The following CASKIN1 variants were observed in gnomAD, a reference collection of about 807,000 sequenced individuals.
CASKIN1 encodes CASK interacting protein 1, also known as caskin-1.
A neutral mutation model predicts 117.5 loss-of-function variants in CASKIN1; 42 were observed. The observed-to-expected ratio is 0.36, with a 90% confidence interval of 0.28 to 0.46. The LOEUF (loss-of-function observed/expected upper bound fraction) is 0.46. CASKIN1 is among the 20% of genes least tolerant of loss of function. The pLI is 1.00. For synonymous variants in CASKIN1, 1,148 were observed against 961.7 expected, an observed-to-expected ratio of 1.19 and a Z score of -3.59; for missense variants, 2,083 against 2,077.3, an observed-to-expected ratio of 1.00 and a Z score of -0.05.
intron 6 of CASKIN1, among the ~76,000 whole-genome samples, chr16:2,188,144 A>G (rs925215458): frequency 4.8e-5 from 7 of 144,770 alleles, no homozygotes; most frequent in African/African-American, 1.8e-4. Flanking sequence ...TCAGCCTCCC[A>G]AAATACTGGG....
In CASKIN1 at chr16:2,182,688, G is replaced by A. The variant is rs1422753580; in HGVS notation, c.1630-759C>T. On this transcript the variant is annotated intron_variant, in intron 16 of 19. Coordinates refer to ENST00000343516, the MANE Select transcript of CASKIN1 (RefSeq NM_020764.4). The surrounding 1 kb of genome is among the most constrained non-coding windows in gnomAD (Gnocchi z 4.1). ...CCACCGATCGCCTCTCCCGTTGGGA[G>A]CCCAGAGCTCAGTGTGAGGCCCAGA... 6.6e-6 allele frequency among the ~76,000 whole-genome samples: 1 copy of A among 152,214 alleles called. No individual in the cohort carries two copies. Among genetic ancestry groups the A allele is most frequent in the Non-Finnish European group, 1.5e-5 (1 of 68,034 alleles).
intron 1 of CASKIN1, among the ~76,000 whole-genome samples, chr16:2,191,495 G>C (rs2093201545): frequency 6.6e-6 from 1 of 152,234 alleles, no homozygotes; most frequent in African/African-American, 2.4e-5. Flanking sequence ...GGTGCTAACA[G>C]GGCCTCCCGG....
Position 2,186,803 on chromosome 16 carries a change from C to T in CASKIN1, c.952G>A (p.Gly318Ser). ...TCATGGATGCAGCCCTTCCACCGGC[C>T]ATCCGGATGCTGCTCGAGGACCTGG... is the stretch of plus-strand genomic sequence containing the variant. Reference protein sequence around the residue: ...IITVLEQHPDGRWKGCIHDNR... With the variant: ...IITVLEQHPDSRWKGCIHDNR... The change falls in exon 10 of 20, where the codon GGC becomes AGC. Residue 318 changes from glycine (G) to serine (S), a missense_variant. Physicochemically the swap from Gly to Ser is moderately conservative, Grantham distance 56 (BLOSUM62 0). This residue lies in a region of CASKIN1 where 1,818 missense variants were observed against 1,688.9 expected (regional missense o/e 1.08). Coordinates refer to ENST00000343516, the MANE Select transcript of CASKIN1 (RefSeq NM_020764.4). The T allele has an allele frequency of 6.2e-7, 1 of 1,613,016 alleles. No homozygotes were observed. Among genetic ancestry groups the T allele is most frequent in the Non-Finnish European group, 8.5e-7 (1 of 1,179,950 alleles).
In CASKIN1 at chr16:2,182,120, G is replaced by A. The variant is rs73498165; in HGVS notation, c.1630-191C>T. 0.044 allele frequency among the ~76,000 whole-genome samples: 6,770 copies of A among 152,226 alleles called. 292 individuals are homozygous for A. Among genetic ancestry groups the A allele is most frequent in the Admixed American group, 0.099 (1,520 of 15,288 alleles). ...GCTCAGGCACCGGACACTGCATGCC[G>A]CATATCGCACACATGCGCACACACG... is the stretch of plus-strand genomic sequence containing the variant. On this transcript the variant is annotated intron_variant, in intron 16 of 19. Transcript: ENST00000343516. The surrounding 1 kb of genome is among the most constrained non-coding windows in gnomAD (Gnocchi z 4.1).
At chr16:2,188,495 T>C (rs1465779534) in intron 6 of CASKIN1, among the ~76,000 whole-genome samples, 1 of 151,902 alleles carries the variant, frequency 6.6e-6, no homozygotes, top group Admixed American at 6.6e-5. Context: ...GGTCTACAGG[T>C]GTGTGCCAAC....
chr16:2,196,245 A>C lies in CASKIN1; in HGVS notation c.94+94T>G, dbSNP rs1264486875. ...CCCGCCCCGCCCCCGGGGACCCGAC[A>C]ACGTCCCCTCCCCGCCCGGCGCCGG... On this transcript the variant is annotated intron_variant, in intron 1 of 19. Transcript: ENST00000343516. The surrounding 1 kb of genome is among the most constrained non-coding windows in gnomAD (Gnocchi z 5.7). 1.2e-4 allele frequency: 36 copies of C among 311,408 alleles called. No individual in the cohort carries two copies. The highest frequency in any genetic ancestry group is 2.6e-4 in the East Asian group (3 of 11,606). 19.3% of individuals were successfully genotyped at this position (311,408 alleles called of 1,614,324 possible). A position where few individuals can be genotyped will look rare whatever the true frequency, so the allele number is the denominator to read the frequency against.
At chr16:2,195,467 C>A (rs1481331470) in intron 1 of CASKIN1, among the ~76,000 whole-genome samples, 1 of 152,252 alleles carries the variant, frequency 6.6e-6, no homozygotes, top group East Asian at 1.9e-4. Flanking sequence ...GCTATACGTG[C>A]GCAGCCGCAC....
chr16:2,178,819 C>A lies in CASKIN1; in HGVS notation c.4199+83G>T, dbSNP rs1410447987. The A allele has an allele frequency of 1.4e-5, 18 of 1,325,926 alleles. No individual in the cohort carries two copies. The East Asian group carries it at 5.6e-4, about 41-fold the overall frequency. 82.1% of individuals were successfully genotyped at this position (1,325,926 alleles called of 1,614,324 possible). A position where few individuals can be genotyped will look rare whatever the true frequency, so the allele number is the denominator to read the frequency against. On this transcript the variant is annotated intron_variant, in intron 19 of 19. Coordinates refer to ENST00000343516, the MANE Select transcript of CASKIN1 (RefSeq NM_020764.4). ...CTCTGCCGAGCCCCGCCCATCTCTG[C>A]CGAGCCCCGCCCATCTCTGCCGAGC...
intron 6 of CASKIN1, among the ~76,000 whole-genome samples, chr16:2,188,095 A>G (rs1321298870): frequency 7.2e-6 from 1 of 138,566 alleles, no homozygotes; most frequent in African/African-American, 2.7e-5. Flanking sequence ...ACGTCTTGCT[A>G]TGTTGCCCAG....
rs566228564 is a variant in CASKIN1, at chr16:2,190,194, G to C, written c.147-24C>G. 6.8e-6 allele frequency: 11 copies of C among 1,612,058 alleles called. No individual in the cohort carries two copies. The East Asian group carries it at 1.8e-4, about 26-fold the overall frequency. On this transcript the variant is annotated intron_variant, in intron 2 of 19. Transcript: ENST00000343516. ...AGCTGGCACGTGCAGAGGACACATA[G>C]AGCAGAGGCCCTGGCGCCCCGGCCT...
chr16:2,193,042 A>C (rs949063675), intron 1 of CASKIN1, among the ~76,000 whole-genome samples: 19 of 151,666 alleles, frequency 1.3e-4, no homozygotes, highest in African/African-American at 4.6e-4. Flanking sequence ...TTGGAGATGG[A>C]GTTTCATTCT....
chr16:2,179,983 G>C lies in CASKIN1; in HGVS notation c.3385C>G (p.Arg1129Gly). The C allele has an allele frequency of 1.2e-6, 2 of 1,605,502 alleles. No individual in the cohort carries two copies. The highest frequency in any genetic ancestry group is 1.3e-5 in the African/African-American group (1 of 74,850). Residue 1129 changes from arginine (R) to glycine (G), a missense_variant, in exon 18 of 20, where the codon CGG (arginine) becomes GGG (glycine). Physicochemically the swap from Arg to Gly is moderately radical, Grantham distance 125. Coordinates refer to ENST00000343516, the MANE Select transcript of CASKIN1 (RefSeq NM_020764.4). The surrounding 1 kb of genome is among the most constrained non-coding windows in gnomAD (Gnocchi z 5.8). Reference sequence around the variant, plus strand: ...TTCTCCTGCTGGTTCTGCTTGGCCCGGATGCGCCTCTTGAGTGTGGCGCTG... The same window carrying C: ...TTCTCCTGCTGGTTCTGCTTGGCCCCGATGCGCCTCTTGAGTGTGGCGCTG... ...EASATLKRRI[R>G]AKQNQQENVK...
In CASKIN1 at chr16:2,180,602, C is replaced by T. The variant is rs772944847; in HGVS notation, c.2766G>A (p.Ala922=). The T allele has an allele frequency of 1.2e-5, 19 of 1,572,530 alleles. No individual in the cohort carries two copies. The highest frequency in any genetic ancestry group is 6.9e-5 in the South Asian group (6 of 87,540). ...RRVGRSHSVR[A]PAGADKNVNR... ...TGACGTTCTTGTCGGCACCTGCGGG[C>T]GCCCTCACTGAGTGGCTGCGGCCCA... The change falls in exon 18 of 20, where the codon GCG becomes GCA. Residue 922 remains alanine (A), a synonymous_variant. Coordinates refer to ENST00000343516, the MANE Select transcript of CASKIN1 (RefSeq NM_020764.4).
chr16:2,181,772 G>T lies in CASKIN1; in HGVS notation c.1768+19C>A. 1.2e-6 allele frequency: 2 copies of T among 1,610,522 alleles called. No individual in the cohort carries two copies. Among genetic ancestry groups the T allele is most frequent in the Non-Finnish European group, 1.7e-6 (2 of 1,178,840 alleles). ...GCTGAGGGTTGGGCTGGGGACGAGGGCTGGGGCTGGGGCCTCACCCAGCTT... is the reference window on the plus strand; with the variant it reads ...GCTGAGGGTTGGGCTGGGGACGAGGTCTGGGGCTGGGGCCTCACCCAGCTT... On this transcript the variant is annotated intron_variant, in intron 17 of 19. Coordinates refer to ENST00000343516, the MANE Select transcript of CASKIN1 (RefSeq NM_020764.4).
Position 2,186,688 on chromosome 16 carries a change from A to C in CASKIN1, c.1048+19T>G. The stretch of plus-strand genomic sequence containing the variant: ...GCCCAGGGGCTCCTGCCTGCCCCCC[A>C]GGGTGGGGTGGAACTTGCCTGCTCG... On this transcript the variant is annotated intron_variant, in intron 10 of 19. Transcript: ENST00000343516. 1 of 1,603,622 alleles carries C rather than the reference A, an allele frequency of 6.2e-7. No individual in the cohort carries two copies. The highest frequency in any genetic ancestry group is 2.2e-5 in the East Asian group (1 of 44,754).
In CASKIN1 at chr16:2,178,459, C is replaced by T. The variant is rs2093151670; in HGVS notation, c.*91G>A. ...GCTTCTGCAGGGCCCTGCCCGGCCGCTCGCGCCGCGCCCAGACGCGCCCAT... is the reference window on the plus strand; with the variant it reads ...GCTTCTGCAGGGCCCTGCCCGGCCGTTCGCGCCGCGCCCAGACGCGCCCAT... On this transcript the variant is annotated 3_prime_UTR_variant, in exon 20 of 20. Coordinates refer to ENST00000343516, the MANE Select transcript of CASKIN1 (RefSeq NM_020764.4). The T allele has an allele frequency of 5.6e-6, 6 of 1,065,974 alleles. No individual in the cohort carries two copies. The highest frequency in any genetic ancestry group is 7.6e-6 in the Non-Finnish European group (6 of 784,960). 66.0% of individuals were successfully genotyped at this position (1,065,974 alleles called of 1,614,324 possible). A position where few individuals can be genotyped will look rare whatever the true frequency, so the allele number is the denominator to read the frequency against.
In CASKIN1 at chr16:2,179,665, G is replaced by T. The variant is rs990689762; in HGVS notation, c.3703C>A (p.Pro1235Thr). The change falls in exon 18 of 20, where the codon CCT (proline) becomes ACT (threonine). Residue 1235 changes from proline to threonine, a missense_variant. Pro to Thr is a conservative substitution (Grantham distance 38). This residue lies in a region of CASKIN1 where 1,818 missense variants were observed against 1,688.9 expected (regional missense o/e 1.08). Transcript: ENST00000343516. The surrounding 1 kb of genome is among the most constrained non-coding windows in gnomAD (Gnocchi z 5.8). ...GGCGAGCCCTGGAGCTTGGGCACAG[G>T]CTGCGTCAGGACGGGCTTGGGAGAG... is the stretch of plus-strand genomic sequence containing the variant. ...PVSPKPVLTQ[P>T]VPKLQGSPTP... 1.3e-6 allele frequency: 2 copies of T among 1,513,056 alleles called. No individual in the cohort carries two copies. Among genetic ancestry groups the T allele is most frequent in the Middle Eastern group, 1.9e-4 (1 of 5,350 alleles). The allele number at this position is 1,513,056 out of a possible 1,614,324, so 93.7% of individuals were successfully genotyped here.
In CASKIN1 at chr16:2,179,077, G is replaced by A; in HGVS notation, c.4024C>T (p.Pro1342Ser). ...GAPALHVPAK[P>S]PRAAAAAAAA... is the part of the protein sequence containing the mutation. ...GCGGCGGCGGCGGCGGCTCGCGGGG[G>A]CTTGGCGGGCACGTGCAGCGCGGGC... Residue 1342 changes from proline to serine, a missense_variant, in exon 19 of 20, where the codon CCC (proline) becomes TCC (serine). Coordinates refer to ENST00000343516, the MANE Select transcript of CASKIN1 (RefSeq NM_020764.4). The surrounding 1 kb of genome is among the most constrained non-coding windows in gnomAD (Gnocchi z 5.8). The A allele has an allele frequency of 1.0e-6, 1 of 986,094 alleles. No homozygotes were observed. 61.1% of individuals were successfully genotyped at this position (986,094 alleles called of 1,614,324 possible). A position where few individuals can be genotyped will look rare whatever the true frequency, so the allele number is the denominator to read the frequency against.
At chr16:2,189,931 G>A (rs1217164438) in intron 3 of CASKIN1, 142 bp downstream of exon 3, 4 of 765,014 alleles carry the variant, frequency 5.2e-6, no homozygotes, top group Admixed American at 2.5e-5. Context: ...CTGGCCTCCA[G>A]GACCCTGATC....
Sources: gnomAD v4.1 joint callset for allele counts (sites outside exome capture counted in the v4.1 genomes callset) on GRCh38, gnomAD v4.1.1 for gene constraint, gnomAD v4.1.1 regional missense constraint, Gnocchi (gnomAD v3.1) non-coding constraint, MANE v1.5 for transcripts, NCBI Gene and HGNC (gene_info 2026-07-23, HGNC 2026-07-21) for gene names.